Variants in AR observed in about 807,000 individuals in gnomAD.
AR encodes androgen receptor.
AR carries 8 observed loss-of-function variants against 53.9 expected under a neutral mutation model. The observed-to-expected ratio is 0.15, with a 90% CI of 0.09 to 0.27. AR has a LOEUF of 0.27. AR is among the 10% of genes least tolerant of loss of function. AR has a pLI of 1.00. For missense variants in AR, 639 were observed against 742.5 expected (o/e 0.86, Z 1.62); for synonymous variants, 359 against 316.4 (o/e 1.13, Z -1.43).
At chrX:67,687,977 C>T (rs994561045) in intron 3 of AR, among the ~76,000 whole-genome samples, 9 of 112,381 alleles carry the variant, frequency 8.0e-5, no homozygotes, top group African/African-American at 2.6e-4. Flanking sequence ...TTTCACTATA[C>T]TATATAACCG....
At chrX:67,622,312 A>C (rs1278963795) in intron 1 of AR, among the ~76,000 whole-genome samples, 3 of 107,746 alleles carry the variant, frequency 2.8e-5, no homozygotes, top group Non-Finnish European at 5.7e-5. Flanking sequence ...ATGGCTAGAA[A>C]GCCATTGGAA....
rs777905211 is a variant in AR at position 67,629,066 on chromosome X, A to G, written c.1617-14190A>G. On this transcript the variant is annotated intron_variant, in intron 1 of 7. Transcript: ENST00000374690. ...GTATTTTATTGAGGATTTTTGCATCAATGTTCATCAAGCATATTGGTCTAA... is the reference window on the plus strand; with the variant it reads ...GTATTTTATTGAGGATTTTTGCATCGATGTTCATCAAGCATATTGGTCTAA... Among the ~76,000 whole-genome samples, 153 of 111,640 alleles carry G rather than the reference A, an allele frequency of 1.4e-3. 1 individual carries two copies. The highest frequency in any genetic ancestry group is 4.8e-3 in the African/African-American group (148 of 30,722).
chrX:67,649,582 A>G (rs1189147116), intron 2 of AR, among the ~76,000 whole-genome samples: 4 of 112,352 alleles, frequency 3.6e-5, no homozygotes, highest in Admixed American at 1.9e-4. Context: ...TGGCATTGAC[A>G]TGGTATCTCA....
intron 1 of AR, among the ~76,000 whole-genome samples, chrX:67,562,625 C>T (rs1410234711): frequency 2.7e-5 from 3 of 111,010 alleles, no homozygotes; most frequent in Admixed American, 1.9e-4. Context: ...TCTAGTCATT[C>T]GAGTATGTCA....
chrX:67,647,628 G>A (rs1016225495), intron 2 of AR, among the ~76,000 whole-genome samples: 1 of 112,124 alleles, frequency 8.9e-6, no homozygotes, highest in African/African-American at 3.2e-5. Flanking sequence ...CTGACTTTGC[G>A]AGTCCTAGAG....
intron 5 of AR, among the ~76,000 whole-genome samples, chrX:67,718,219 G>GTCGA (rs1425742784): frequency 9.0e-6 from 1 of 111,542 alleles, no homozygotes; most frequent in African/African-American, 3.3e-5. Context: ...GTATGTCCCT[G>GTCGA]TCGATCTCAG....
chrX:67,671,711 C>T (rs2075866517), intron 2 of AR, among the ~76,000 whole-genome samples: 1 of 112,167 alleles, frequency 8.9e-6, no homozygotes, highest in Non-Finnish European at 1.9e-5. Context: ...TGGTTTTCTT[C>T]TACAGTTTTT....
intron 5 of AR, 148 bp downstream of exon 5, chrX:67,717,770 A>AG (rs1366134479): frequency 4.4e-6 from 4 of 909,999 alleles, no homozygotes; most frequent in Admixed American, 5.3e-5. Context: ...ATCCAGTATG[A>AG]GGCGGCTTTG....
chrX:67,554,726 G>A (rs1336418496), intron 1 of AR, among the ~76,000 whole-genome samples: 1 of 110,299 alleles, frequency 9.1e-6, no homozygotes, highest in Non-Finnish European at 1.9e-5. Flanking sequence ...ACCTGAGATC[G>A]GGAGTCCAAG....
chrX:67,716,686 A>G (rs1242800750), intron 4 of AR, among the ~76,000 whole-genome samples: 1 of 111,618 alleles, frequency 9.0e-6, no homozygotes, highest in African/African-American at 3.3e-5. Flanking sequence ...AGGGAACATG[A>G]AAGTGGTGAA....
At chrX:67,631,483 A>G (rs1748390823) in intron 1 of AR, among the ~76,000 whole-genome samples, 1 of 111,919 alleles carries the variant, frequency 8.9e-6, no homozygotes, top group African/African-American at 3.3e-5. Context: ...CTTAGTTTTC[A>G]GCTCCATCAG....
intron 1 of AR, among the ~76,000 whole-genome samples, chrX:67,627,001 G>A (rs1250420672): frequency 3.8e-5 from 4 of 105,978 alleles, no homozygotes; most frequent in Non-Finnish European, 1.9e-5. Flanking sequence ...TGGTGTATAT[G>A]TGCCACATTT....
Position 67,726,813 on chromosome X carries a change from T to C in AR, c.*2972T>C. On this transcript the variant is annotated 3_prime_UTR_variant, in exon 8 of 8. Coordinates refer to ENST00000374690, the MANE Select transcript of AR (RefSeq NM_000044.6). ...GTCTCATTTTGCATGCGCTCTGCTC[T>C]ACAAACAGAGTTGGTATGGTTGGTA... 1 of 175,208 alleles carries C rather than the reference T, an allele frequency of 5.7e-6. No homozygotes were observed. The highest frequency in any genetic ancestry group is 8.1e-5 in the East Asian group (1 of 12,361). The allele number at this position is 175,208 out of a possible 1,213,427, so 14.4% of individuals were successfully genotyped here. A position where few individuals can be genotyped will look rare whatever the true frequency, so the allele number is the denominator to read the frequency against.
intron 1 of AR, among the ~76,000 whole-genome samples, chrX:67,635,388 G>C (rs145270531): frequency 2.4e-4 from 27 of 111,599 alleles, no homozygotes; most frequent in African/African-American, 8.5e-4. Flanking sequence ...CCAAATCCTT[G>C]TTGGGTTGCC....
chrX:67,726,010 A>C lies in AR; in HGVS notation c.*2169A>C, dbSNP rs186711978. 1 of 174,624 alleles carries C rather than the reference A, an allele frequency of 5.7e-6. No individual in the cohort carries two copies. The highest frequency in any genetic ancestry group is 2.9e-5 in the African/African-American group (1 of 34,013). 14.4% of individuals were successfully genotyped at this position (174,624 alleles called of 1,213,427 possible). ...CTCAAGAAATCAAGGGCCAGTCATC[A>C]AGCTGCCCATTTTAATTGATTCACT... On this transcript the variant is annotated 3_prime_UTR_variant, in exon 8 of 8. Coordinates refer to ENST00000374690, the MANE Select transcript of AR (RefSeq NM_000044.6).
rs145750632 is a variant in AR, at chrX:67,674,313, C to T, written c.1769-11697C>T. On this transcript the variant is annotated intron_variant, in intron 2 of 7. Transcript: ENST00000374690. Reference sequence around the variant, plus strand: ...CCAAAGCTGGCACAGCACTGAGTCTCGCCCAACGCCCACAGAGACCACTCC... The same window carrying T: ...CCAAAGCTGGCACAGCACTGAGTCTTGCCCAACGCCCACAGAGACCACTCC... Among the ~76,000 whole-genome samples the T allele has an allele frequency of 7.5e-4, 83 of 110,238 alleles. No homozygotes were observed. The East Asian group carries it at 0.021, about 28-fold the overall frequency.
intron 2 of AR, among the ~76,000 whole-genome samples, chrX:67,684,993 C>A (rs1432846688): frequency 9.0e-6 from 1 of 111,267 alleles, no homozygotes; most frequent in African/African-American, 3.3e-5. Flanking sequence ...TAAGCCAAAG[C>A]ACAGCAATAA....
Position 67,726,654 on chromosome X carries a change from G to A in AR, c.*2813G>A. ...GAAAAATAGCCTACACAAGCCTTTA[G>A]GCCTACTCTTTCTGTGCTTGGGTTT... On this transcript the variant is annotated 3_prime_UTR_variant, in exon 8 of 8. Transcript: ENST00000374690. 5.7e-6 allele frequency: 1 copy of A among 176,077 alleles called. No homozygotes were observed. The highest frequency in any genetic ancestry group is 2.9e-5 in the African/African-American group (1 of 34,584). 14.5% of individuals were successfully genotyped at this position (176,077 alleles called of 1,213,427 possible).
At chrX:67,645,765 A>G (rs977894488) in intron 2 of AR, among the ~76,000 whole-genome samples, 1 of 110,249 alleles carries the variant, frequency 9.1e-6, no homozygotes, top group Non-Finnish European at 1.9e-5. Context: ...CACCAGAATG[A>G]AGCAAAAAAA....
Sources: gnomAD v4.1 joint callset for allele counts (sites outside exome capture counted in the v4.1 genomes callset) on GRCh38, gnomAD v4.1.1 for gene constraint, MANE v1.5 for transcripts, NCBI Gene and HGNC (gene_info 2026-07-23, HGNC 2026-07-21) for gene names.